The following ANXA4 variants were observed in gnomAD, a reference collection of about 807,000 sequenced individuals.
ANXA4 encodes annexin A4, also known as 35-beta calcimedin.
ANXA4 carries 39 observed loss-of-function variants against 49.8 expected under a neutral mutation model. That is an observed-to-expected ratio of 0.78 (90% CI 0.61 to 1.02). The LOEUF is 1.02. Among genes scored for constraint, ANXA4 ranks in the 50% least tolerant of loss-of-function variants. The probability of loss-of-function intolerance (pLI) is 0.00; values close to 1 mark genes in which losing one functional copy is unlikely to be tolerated. For missense variants in ANXA4, 360 were observed against 410.1 expected (o/e 0.88, Z 1.05); for synonymous variants, 134 against 152.5 (o/e 0.88, Z 0.89).
chr2:69,706,359 G>A (rs113809425), intron 2 of ANXA4, among the ~76,000 whole-genome samples: 20,170 of 131,826 alleles, frequency 0.15, 1,996 homozygotes, highest in East Asian at 0.38. Flanking sequence ...GGGGTACAGT[G>A]GTTCGATCTC....
intron 1 of ANXA4, among the ~76,000 whole-genome samples, chr2:69,773,594 CTTTCT>C (rs1164026457): frequency 2.8e-4 from 41 of 144,338 alleles, no homozygotes; most frequent in African/African-American, 4.3e-4. Flanking sequence ...TTTTATTCTC[CTTTCT>C]TTTCTTTTCT....
chr2:69,786,906 G>C (rs1213414238), intron 2 of ANXA4, among the ~76,000 whole-genome samples: 2 of 151,988 alleles, frequency 1.3e-5, no homozygotes, highest in Non-Finnish European at 2.9e-5. Flanking sequence ...GTATGTTTTT[G>C]TAGAGATGAG....
At chr2:69,707,078 T>C (rs1433924947) in intron 2 of ANXA4, among the ~76,000 whole-genome samples, 1 of 152,232 alleles carries the variant, frequency 6.6e-6, no homozygotes, top group East Asian at 1.9e-4. Flanking sequence ...ACTGGTATCT[T>C]TCTATATGTG....
chr2:69,768,935 CA>C (rs1017001488), intron 1 of ANXA4, among the ~76,000 whole-genome samples: 10 of 150,744 alleles, frequency 6.6e-5, no homozygotes, highest in Admixed American at 4.6e-4. Context: ...AAACAAAAAA[CA>C]AAAAAAAACC....
intron 1 of ANXA4, among the ~76,000 whole-genome samples, chr2:69,769,118 A>G (rs1479688725): frequency 6.6e-6 from 1 of 152,194 alleles, no homozygotes; most frequent in Non-Finnish European, 1.5e-5. Flanking sequence ...GCCCAGAAAA[A>G]CAAGGTAGGG....
At chr2:69,818,823 T>G in intron 10 of ANXA4, 129 bp downstream of exon 10, 2 of 603,426 alleles carry the variant, frequency 3.3e-6, no homozygotes, top group Non-Finnish European at 5.9e-6. Context: ...TCATGTTACA[T>G]TCCAGATTTT....
At chr2:69,791,555 G>A (rs1233842873) in intron 3 of ANXA4, among the ~76,000 whole-genome samples, 1 of 152,192 alleles carries the variant, frequency 6.6e-6, no homozygotes, top group African/African-American at 2.4e-5. Context: ...GCTAGCTTAA[G>A]ACAAGTTTTT....
At chr2:69,654,023 G>C (rs1177822249) in intron 2 of ANXA4, among the ~76,000 whole-genome samples, 1 of 152,102 alleles carries the variant, frequency 6.6e-6, no homozygotes, top group Non-Finnish European at 1.5e-5. Context: ...TGTATACCCA[G>C]GTATTTTATT....
At chr2:69,645,886 T>A (rs1406169927) in intron 1 of ANXA4, among the ~76,000 whole-genome samples, 2 of 152,194 alleles carry the variant, frequency 1.3e-5, no homozygotes, top group Non-Finnish European at 1.5e-5. Flanking sequence ...ATTATACTCA[T>A]TTTATAGGTG....
At position 69,818,572 on chromosome 2, in the gene ANXA4, A is replaced by G. The variant is rs772586601; in HGVS notation, c.629-27A>G. On this transcript the variant is annotated intron_variant, in intron 9 of 12. Transcript: ENST00000394295. Reference sequence around the variant, plus strand: ...TAGTTTCCTCTGTTTTTTCTTCCCAATAATACTATTTTGTTATTGTCTGCA... The same window carrying G: ...TAGTTTCCTCTGTTTTTTCTTCCCAGTAATACTATTTTGTTATTGTCTGCA... 47 of 1,489,816 alleles carry G rather than the reference A, an allele frequency of 3.2e-5. No homozygotes were observed. In the East Asian group the frequency reaches 1.0e-3, roughly 33 times the overall value. The allele number at this position is 1,489,816 out of a possible 1,614,324, so 92.3% of individuals were successfully genotyped here. A position where few individuals can be genotyped will look rare whatever the true frequency, so the allele number is the denominator to read the frequency against.
chr2:69,758,293 G>A (rs1003079269), intron 1 of ANXA4, among the ~76,000 whole-genome samples: 5 of 152,176 alleles, frequency 3.3e-5, no homozygotes, highest in South Asian at 2.1e-4. Context: ...GACTACAGGC[G>A]TGAGCTACCG....
chr2:69,702,954 C>A (rs1161609966), intron 2 of ANXA4, among the ~76,000 whole-genome samples: 1 of 152,148 alleles, frequency 6.6e-6, no homozygotes, highest in Non-Finnish European at 1.5e-5. Flanking sequence ...AATAAATTCG[C>A]CCATGTTTTC....
At chr2:69,728,773 G>A (rs755116498) in intron 3 of ANXA4, among the ~76,000 whole-genome samples, 2 of 152,124 alleles carry the variant, frequency 1.3e-5, no homozygotes, top group Non-Finnish European at 2.9e-5. Flanking sequence ...TCATATTGTT[G>A]AGTCTTGATA....
intron 2 of ANXA4, among the ~76,000 whole-genome samples, chr2:69,676,208 TTAGAA>T (rs914566961): frequency 1.1e-4 from 17 of 152,030 alleles, no homozygotes; most frequent in African/African-American, 3.1e-4. Flanking sequence ...CTTCTTGAGT[TTAGAA>T]TAGTAGGTTC....
chr2:69,654,586 T>C (rs1000068325), intron 2 of ANXA4, among the ~76,000 whole-genome samples: 7 of 152,214 alleles, frequency 4.6e-5, no homozygotes, highest in South Asian at 2.1e-4. Flanking sequence ...ATGGATTATG[T>C]TTATTGACTT....
chr2:69,690,579 A>G (rs1677931441), intron 2 of ANXA4, among the ~76,000 whole-genome samples: 1 of 152,116 alleles, frequency 6.6e-6, no homozygotes, highest in Non-Finnish European at 1.5e-5. Flanking sequence ...CTGTTTTTGC[A>G]GTTCCTACAC....
chr2:69,771,712 A>C (rs1671725462), intron 1 of ANXA4, among the ~76,000 whole-genome samples: 3 of 152,246 alleles, frequency 2.0e-5, no homozygotes, highest in Non-Finnish European at 2.9e-5. Context: ...CATTTCTGGC[A>C]GATACAACTG....
At chr2:69,762,186 G>T (rs1171850266) in intron 1 of ANXA4, among the ~76,000 whole-genome samples, 1 of 152,216 alleles carries the variant, frequency 6.6e-6, no homozygotes, top group African/African-American at 2.4e-5. Flanking sequence ...GAAACATGCA[G>T]CTGGTGGCAC....
intron 2 of ANXA4, among the ~76,000 whole-genome samples, chr2:69,691,866 A>C (rs1430909702): frequency 2.0e-5 from 3 of 151,974 alleles, no homozygotes; most frequent in African/African-American, 7.3e-5. Context: ...CTATTCAGTA[A>C]CTTCAGGTTT....
Sources: allele counts gnomAD v4.1 joint callset (sites outside exome capture counted in the v4.1 genomes callset), GRCh38; gene constraint gnomAD v4.1.1; transcripts MANE v1.5; gene names NCBI Gene and HGNC (gene_info 2026-07-23, HGNC 2026-07-21).